Variants in MYO16 observed in about 807,000 individuals in gnomAD.
MYO16 encodes the protein myosin XVI.
A neutral mutation model predicts 205.3 loss-of-function variants in MYO16; 94 were observed. The ratio of observed to expected loss-of-function variants is 0.46; its 90% CI spans 0.39 to 0.54. MYO16 has a LOEUF of 0.54. MYO16 is among the 20% of genes least tolerant of loss of function. The pLI, the probability that MYO16 is intolerant of heterozygous loss-of-function variation, is 0.00. For synonymous variants in MYO16, 988 were observed against 954.0 expected, an observed-to-expected ratio of 1.04 and a Z score of -0.66; for missense variants, 2,315 against 2,387.5, an observed-to-expected ratio of 0.97 and a Z score of 0.63.
chr13:109,070,807 G>GT (rs1184883454), intron 27 of MYO16, among the ~76,000 whole-genome samples: 1 of 152,118 alleles, frequency 6.6e-6, no homozygotes, highest in African/African-American at 2.4e-5. Context: ...TATTCCTAAG[G>GT]TGAAGCATCA....
chr13:108,601,676 C>A (rs1279272060), intron 1 of MYO16, among the ~76,000 whole-genome samples: 5 of 152,202 alleles, frequency 3.3e-5, no homozygotes, highest in African/African-American at 1.2e-4. Context: ...GCATCCCAGA[C>A]CTTTGTCCCA....
chr13:108,772,742 A>T (rs1252045234), intron 4 of MYO16, among the ~76,000 whole-genome samples: 9 of 152,190 alleles, frequency 5.9e-5, no homozygotes, highest in Admixed American at 5.9e-4. Flanking sequence ...TAAAATACAT[A>T]CTAAAATATT....
chr13:108,997,338 AAGAGAG>A (rs869174444), intron 21 of MYO16, among the ~76,000 whole-genome samples: 6 of 5,554 alleles, frequency 1.1e-3, no homozygotes, highest in African/African-American at 3.5e-3. Context: ...GAAAGAAAGA[AAGAGAG>A]AGAGAGAGAG....
intron 6 of MYO16, among the ~76,000 whole-genome samples, chr13:108,805,118 C>A (rs372075316): frequency 1.3e-5 from 2 of 152,044 alleles, no homozygotes; most frequent in South Asian, 4.2e-4. Context: ...ATTCAGATAA[C>A]GTAGAATCAA....
chr13:108,972,962 A>G (rs1884111727), intron 20 of MYO16, among the ~76,000 whole-genome samples: 1 of 152,078 alleles, frequency 6.6e-6, no homozygotes, highest in Admixed American at 6.6e-5. Context: ...AGGAACTGGC[A>G]TGCTGAGATG....
At chr13:108,639,443 A>G (rs989913940) in intron 1 of MYO16, among the ~76,000 whole-genome samples, 1 of 151,944 alleles carries the variant, frequency 6.6e-6, no homozygotes, top group Non-Finnish European at 1.5e-5. Context: ...CTTCATTGGG[A>G]TCTCCTGATT....
At chr13:108,914,057 GTATATCTACTATTATTAAGTAGATAAT>G (rs572881744) in intron 16 of MYO16, among the ~76,000 whole-genome samples, 1 of 151,568 alleles carries the variant, frequency 6.6e-6, no homozygotes, top group Non-Finnish European at 1.5e-5. Context: ...CATATATGTA[GTATATCTACTATTATTAAGTAGATAAT>G]TATATCTACT....
At chr13:108,982,242 A>G (rs1411588018) in intron 20 of MYO16, among the ~76,000 whole-genome samples, 1 of 152,254 alleles carries the variant, frequency 6.6e-6, no homozygotes, top group Non-Finnish European at 1.5e-5. Context: ...TGCTCTTGCC[A>G]TGAGGCAGGG....
intron 6 of MYO16, among the ~76,000 whole-genome samples, chr13:108,795,164 T>A (rs1023847755): frequency 9.3e-5 from 14 of 150,512 alleles, no homozygotes; most frequent in Non-Finnish European, 1.5e-5. Flanking sequence ...ATGTTATAGT[T>A]GTATAGGCTT....
intron 7 of MYO16, among the ~76,000 whole-genome samples, chr13:108,816,377 C>T (rs528382308): frequency 1.3e-5 from 2 of 151,138 alleles, no homozygotes; most frequent in South Asian, 2.1e-4. Context: ...TTAAGTTTAC[C>T]GTTTAAGTTT....
chr13:108,882,997 G>C, intron 12 of MYO16, 62 bp from the exon 13 acceptor site: 1 of 1,589,090 alleles, frequency 6.3e-7, no homozygotes, highest in Non-Finnish European at 8.6e-7. Flanking sequence ...TCTCATTATG[G>C]GATGAGGAAT....
chr13:109,050,606 T>C (rs1887216182), intron 24 of MYO16, among the ~76,000 whole-genome samples: 1 of 152,222 alleles, frequency 6.6e-6, no homozygotes, highest in South Asian at 2.1e-4. Flanking sequence ...TCATGATTCT[T>C]GCCTAAATCA....
the MYO16 span, among the ~76,000 whole-genome samples, chr13:108,574,619 A>C: frequency 2.0e-5 from 3 of 151,930 alleles, no homozygotes; most frequent in African/African-American, 7.3e-5. Flanking sequence ...AATACGATTT[A>C]AAGTTAAAAT....
At chr13:108,720,218 A>G (rs1185640124) in intron 3 of MYO16, among the ~76,000 whole-genome samples, 6 of 152,190 alleles carry the variant, frequency 3.9e-5, no homozygotes, top group African/African-American at 1.4e-4. Context: ...TGATCCTTCA[A>G]TGTGACATGG....
chr13:108,729,481 A>T (rs959074718), intron 4 of MYO16, among the ~76,000 whole-genome samples: 3 of 152,042 alleles, frequency 2.0e-5, no homozygotes, highest in Admixed American at 2.0e-4. Context: ...TGGCTTTTGC[A>T]GTTTTTCTAT....
chr13:108,592,973 T>A (rs1204247943), upstream of MYO16, among the ~76,000 whole-genome samples: 1 of 152,112 alleles, frequency 6.6e-6, no homozygotes, highest in African/African-American at 2.4e-5. Context: ...CCAAATAAAA[T>A]TCCCTCTGCC....
chr13:109,154,513 G>A (rs545384167), intron 32 of MYO16, among the ~76,000 whole-genome samples: 11 of 152,270 alleles, frequency 7.2e-5, no homozygotes, highest in Admixed American at 2.6e-4. Flanking sequence ...CACCACTGCT[G>A]TAATTTTTCT....
intron 9 of MYO16, among the ~76,000 whole-genome samples, chr13:108,838,577 A>G (rs564885604): frequency 6.6e-6 from 1 of 151,044 alleles, no homozygotes; most frequent in Non-Finnish European, 1.5e-5. Flanking sequence ...CTGAGGCAGG[A>G]GAATCACTTG....
chr13:108,702,557 C>T (rs1324719671), intron 2 of MYO16, among the ~76,000 whole-genome samples: 2 of 152,078 alleles, frequency 1.3e-5, no homozygotes, highest in Non-Finnish European at 2.9e-5. Context: ...GGGAAACTTT[C>T]AGGCTGAAAT....
Sources: allele counts gnomAD v4.1 joint callset (sites outside exome capture counted in the v4.1 genomes callset), GRCh38; gene constraint gnomAD v4.1.1; transcripts MANE v1.5; gene names NCBI Gene and HGNC (gene_info 2026-07-23, HGNC 2026-07-21).